Variants in TMEM229B observed in about 807,000 individuals in gnomAD.
TMEM229B encodes transmembrane protein 229B.
Under a neutral mutation model 13.7 loss-of-function variants are expected in TMEM229B, and 6 were observed. That is an observed-to-expected ratio of 0.44 (90% confidence interval 0.24 to 0.86). The LOEUF (loss-of-function observed/expected upper bound fraction) is 0.86, where lower values mean the gene tolerates loss of function less well. TMEM229B is among the 40% of genes least tolerant of loss of function. The pLI is 0.23. For synonymous variants in TMEM229B, 107 were observed against 102.1 expected (o/e 1.05, Z -0.29); for missense variants, 170 against 236.0 (o/e 0.72, Z 1.83).
chr14:67,479,539 G>A (rs2031452335), intron 2 of TMEM229B, among the ~76,000 whole-genome samples: 2 of 151,720 alleles, frequency 1.3e-5, no homozygotes, highest in Non-Finnish European at 2.9e-5. Flanking sequence ...CCAACATGGT[G>A]AAACCACATC....
chr14:67,473,564 G>A lies in TMEM229B; in HGVS notation c.360C>T (p.Tyr120=), dbSNP rs774847752. ...FDFMGLITLE[Y]AVPWFCGALI... The stretch of plus-strand genomic sequence containing the variant: ...GGGCCCCGCAGAACCAGGGCACGGC[G>A]TACTCCAGGGTGATGAGGCCCATGA... Residue 120 remains tyrosine, a synonymous_variant, in exon 3 of 3, where the codon TAC becomes TAT. Transcript: ENST00000554480. The surrounding 1 kb of genome is among the most constrained non-coding windows in gnomAD (Gnocchi z 6.5). The A allele has an allele frequency of 1.4e-5, 23 of 1,613,028 alleles. No homozygotes were observed. Among genetic ancestry groups the A allele is most frequent in the African/African-American group, 8.0e-5 (6 of 74,926 alleles).
At chr14:67,493,503 C>T (rs943202814), upstream of TMEM229B, among the ~76,000 whole-genome samples, 6 of 152,208 alleles carry the variant, frequency 3.9e-5, no homozygotes, top group East Asian at 1.9e-4. Flanking sequence ...TGACACAGGC[C>T]GCACCCTTCT....
chr14:67,529,136 C>A (rs2033409733), intron 1 of TMEM229B, among the ~76,000 whole-genome samples: 1 of 152,098 alleles, frequency 6.6e-6, no homozygotes, highest in Non-Finnish European at 1.5e-5. Context: ...GAGGCAGGCC[C>A]TTTATCTCCA....
In TMEM229B at chr14:67,508,753, CAA is replaced by C. The variant is rs757183130; in HGVS notation, c.-192+6331_-192+6332del. Among the ~76,000 whole-genome samples the C allele has an allele frequency of 8.6e-4, 40 of 46,710 alleles. 1 individual carries two copies. The highest frequency in any genetic ancestry group is 0.015 in the Middle Eastern group (1 of 68). The allele number at this position is 46,710 out of a possible 152,430, so 30.6% of individuals were successfully genotyped here. On this transcript the variant is annotated intron_variant, in intron 1 of 2. Coordinates refer to the TMEM229B transcript ENST00000357461. ...TGGGTGACAGAGCAAAACCTTGTCT[CAA>C]AAAAAAAAAAAAAAAACAGAAGACA...
intron 1 of TMEM229B, among the ~76,000 whole-genome samples, chr14:67,506,228 G>A (rs924184159): frequency 1.3e-5 from 2 of 151,896 alleles, no homozygotes; most frequent in Non-Finnish European, 2.9e-5. Flanking sequence ...TCATAAAGCG[G>A]GTGTATTTTG....
intron 1 of TMEM229B, among the ~76,000 whole-genome samples, chr14:67,525,459 CT>C (rs1240942484): frequency 6.6e-6 from 1 of 152,176 alleles, no homozygotes; most frequent in Non-Finnish European, 1.5e-5. Context: ...CAATTGGATC[CT>C]TTTCCCCTCT....
chr14:67,477,708 C>T (rs1297287685), intron 2 of TMEM229B, among the ~76,000 whole-genome samples: 3 of 152,110 alleles, frequency 2.0e-5, no homozygotes, highest in Non-Finnish European at 4.4e-5. Flanking sequence ...AAGGATCGCT[C>T]GAGCCCAGAA....
At chr14:67,480,868 G>C (rs1737509232) in intron 2 of TMEM229B, among the ~76,000 whole-genome samples, 1 of 152,178 alleles carries the variant, frequency 6.6e-6, no homozygotes, top group African/African-American at 2.4e-5. Flanking sequence ...TAACAGACGG[G>C]AGGGTCCAGT....
At chr14:67,488,990 C>A (rs1216157450), upstream of TMEM229B, among the ~76,000 whole-genome samples, 2 of 152,116 alleles carry the variant, frequency 1.3e-5, no homozygotes, top group Non-Finnish European at 2.9e-5. Flanking sequence ...CTAGGCCTCA[C>A]TGACACTCCC....
chr14:67,486,522 C>T (rs1436843330), intron 2 of TMEM229B, among the ~76,000 whole-genome samples: 4 of 152,150 alleles, frequency 2.6e-5, no homozygotes, highest in African/African-American at 9.6e-5. Context: ...ATCCACCCAC[C>T]TCGGCCTCCC....
intron 2 of TMEM229B, among the ~76,000 whole-genome samples, chr14:67,477,265 T>C (rs1029799363): frequency 3.3e-5 from 5 of 152,224 alleles, no homozygotes. Flanking sequence ...CTTGCCCCGA[T>C]TGACATCTTC....
At chr14:67,516,347 G>A (rs996217686), upstream of TMEM229B, among the ~76,000 whole-genome samples, 5 of 152,134 alleles carry the variant, frequency 3.3e-5, no homozygotes, top group African/African-American at 1.2e-4. Context: ...CCCTATGCAT[G>A]CCGAGGCCTG....
chr14:67,503,745 C>G (rs975697228), intron 1 of TMEM229B, among the ~76,000 whole-genome samples: 11 of 152,148 alleles, frequency 7.2e-5, no homozygotes, highest in African/African-American at 2.7e-4. Flanking sequence ...GCTCTGTCAC[C>G]CAGGCTGGAG....
intron 2 of TMEM229B, among the ~76,000 whole-genome samples, chr14:67,480,056 A>T (rs1319291896): frequency 1.3e-5 from 2 of 152,198 alleles, no homozygotes; most frequent in African/African-American, 4.8e-5. Context: ...AACGGAAGTA[A>T]TGACCACAGA....
intron 2 of TMEM229B, among the ~76,000 whole-genome samples, chr14:67,486,096 C>T (rs1290311000): frequency 6.6e-6 from 1 of 152,218 alleles, no homozygotes; most frequent in Admixed American, 6.5e-5. Context: ...TGTGAGTGCT[C>T]GCTTCACTCA....
upstream of TMEM229B, among the ~76,000 whole-genome samples, chr14:67,493,407 A>G (rs1366530080): frequency 2.0e-5 from 3 of 152,166 alleles, no homozygotes; most frequent in African/African-American, 7.2e-5. Context: ...AACCCCAGCC[A>G]ACACAGGGAG....
upstream of TMEM229B, among the ~76,000 whole-genome samples, chr14:67,519,689 C>T: frequency 6.6e-6 from 1 of 151,530 alleles, no homozygotes; most frequent in East Asian, 1.9e-4. Context: ...GGAATTTGTA[C>T]CTGACTCAGT....
chr14:67,512,241 A>G (rs1388042259), intron 1 of TMEM229B, among the ~76,000 whole-genome samples: 1 of 152,204 alleles, frequency 6.6e-6, no homozygotes, highest in East Asian at 1.9e-4. Flanking sequence ...AACCAAACCA[A>G]AAGTGCCCCC....
At chr14:67,508,153 C>A (rs1363365007) in intron 1 of TMEM229B, among the ~76,000 whole-genome samples, 12 of 125,890 alleles carry the variant, frequency 9.5e-5, no homozygotes, top group Middle Eastern at 4.1e-3. Context: ...AAAAAAAGAG[C>A]AATGACTGGT....
Sources: gnomAD v4.1 joint callset for allele counts (sites outside exome capture counted in the v4.1 genomes callset) on GRCh38, gnomAD v4.1.1 for gene constraint, Gnocchi (gnomAD v3.1) non-coding constraint, MANE v1.5 for transcripts, NCBI Gene and HGNC (gene_info 2026-07-23, HGNC 2026-07-21) for gene names.